NME7: variants seen among roughly 807,000 people sequenced by gnomAD.
NME7 encodes nucleoside diphosphate kinase 7.
Under a neutral mutation model 49.1 loss-of-function variants are expected in NME7, and 41 were observed. That is an observed-to-expected ratio of 0.83 (90% CI 0.65 to 1.08). NME7 has a LOEUF of 1.08. NME7 is among the 50% of genes least tolerant of loss of function. The pLI is 0.00. For missense variants in NME7, 423 were observed against 463.4 expected, an observed-to-expected ratio of 0.91 and a Z score of 0.80; for synonymous variants, 139 against 150.6, an observed-to-expected ratio of 0.92 and a Z score of 0.56.
At position 169,273,824 on chromosome 1, in the gene NME7, G is replaced by A. The variant is rs1333211981; in HGVS notation, c.754+13479C>T. On this transcript the variant is annotated intron_variant, in intron 7 of 11. Transcript: ENST00000367811. ...TTTTATGGCTGCATAGTATTCCATG[G>A]TGTATATGTGCCACATTTTCTTAAT... is the stretch of plus-strand genomic sequence containing the variant. 3.1e-4 allele frequency among the ~76,000 whole-genome samples: 39 copies of A among 124,372 alleles called. 1 individual carries two copies. The highest frequency in any genetic ancestry group is 1.0e-3 in the African/African-American group (39 of 37,342). The allele number at this position is 124,372 out of a possible 152,430, so 81.6% of individuals were successfully genotyped here.
At chr1:169,342,953 G>GTATA (rs66848452) in intron 1 of NME7, among the ~76,000 whole-genome samples, 4 of 40,302 alleles carry the variant, frequency 9.9e-5, no homozygotes, top group African/African-American at 2.3e-4. Context: ...ACTTGTATTA[G>GTATA]TATATATATA....
At chr1:169,251,571 T>TA (rs2101847009) in intron 7 of NME7, among the ~76,000 whole-genome samples, 1 of 134,122 alleles carries the variant, frequency 7.5e-6, no homozygotes, top group African/African-American at 2.6e-5. Flanking sequence ...CTTTTTTTTT[T>TA]TATTATACTT....
intron 11 of NME7, among the ~76,000 whole-genome samples, chr1:169,137,870 A>T (rs2101805510): frequency 6.6e-6 from 1 of 152,232 alleles, no homozygotes; most frequent in East Asian, 1.9e-4. Flanking sequence ...TAGCTATAGA[A>T]CCCCAAAAGC....
At chr1:169,340,590 AAAG>A (rs1328780335) in intron 1 of NME7, among the ~76,000 whole-genome samples, 2 of 152,202 alleles carry the variant, frequency 1.3e-5, no homozygotes, top group African/African-American at 2.4e-5. Context: ...GCTCAGAAGA[AAAG>A]AAGATGTGGG....
chr1:169,135,821 G>A (rs74365745), intron 11 of NME7, among the ~76,000 whole-genome samples: 3,054 of 152,004 alleles, frequency 0.02, 53 homozygotes, highest in Non-Finnish European at 0.034. Flanking sequence ...CCTTTCTGAG[G>A]GATTAAGTAT....
intron 1 of NME7, among the ~76,000 whole-genome samples, chr1:169,354,536 T>C (rs1223029334): frequency 6.6e-6 from 1 of 151,560 alleles, no homozygotes; most frequent in Non-Finnish European, 1.5e-5. Flanking sequence ...ACTTGATTGT[T>C]TGTTAACACA....
chr1:169,220,072 G>A (rs914861252), intron 10 of NME7, among the ~76,000 whole-genome samples: 11 of 151,988 alleles, frequency 7.2e-5, no homozygotes, highest in Non-Finnish European at 1.5e-4. Flanking sequence ...TTTCAGTTAC[G>A]CATGTTTTCC....
At chr1:169,228,167 C>T (rs1212405721) in intron 10 of NME7, among the ~76,000 whole-genome samples, 2 of 152,008 alleles carry the variant, frequency 1.3e-5, no homozygotes, top group African/African-American at 4.8e-5. Context: ...CCTTATCCTC[C>T]CAAAATGCTG....
At position 169,278,243 on chromosome 1, in the gene NME7, G is replaced by A. The variant is rs1373460401; in HGVS notation, c.754+9060C>T. Among the ~76,000 whole-genome samples, 5 of 148,580 alleles carry A rather than the reference G, an allele frequency of 3.4e-5. 1 individual carries two copies. Among genetic ancestry groups the A allele is most frequent in the South Asian group, 4.2e-4 (2 of 4,726 alleles). On this transcript the variant is annotated intron_variant, in intron 7 of 11. Coordinates refer to ENST00000367811, the MANE Select transcript of NME7 (RefSeq NM_013330.5). The stretch of plus-strand genomic sequence containing the variant: ...ATCTGAATGTTGGCCTGCCTTGCTC[G>A]TTTGGGGAAGTTCTCCTGGATAATA...
chr1:169,321,720 C>T (rs1043261163), intron 3 of NME7, among the ~76,000 whole-genome samples: 4 of 152,120 alleles, frequency 2.6e-5, no homozygotes, highest in Admixed American at 1.3e-4. Flanking sequence ...AGTGCTTATA[C>T]AGAAAGACTA....
chr1:169,208,104 C>T (rs564580792), intron 10 of NME7, among the ~76,000 whole-genome samples: 164 of 152,124 alleles, frequency 1.1e-3, no homozygotes, highest in African/African-American at 1.6e-3. Flanking sequence ...TCCTTTAGTA[C>T]ACAAATCTGC....
At position 169,268,645 on chromosome 1, in the gene NME7, G is replaced by A. The variant is rs112541577; in HGVS notation, c.754+18658C>T. 1.9e-3 allele frequency among the ~76,000 whole-genome samples: 256 copies of A among 133,510 alleles called. 63 individuals carry two copies. The highest frequency in any genetic ancestry group is 3.7e-3 in the Non-Finnish European group (209 of 56,784). 87.6% of individuals were successfully genotyped at this position (133,510 alleles called of 152,430 possible). ...GAGATCATGTCCTTTATAGGAACAC[G>A]AATGGAACTGGAGGCCATTATCCTT... On this transcript the variant is annotated intron_variant, in intron 7 of 11. Coordinates refer to ENST00000367811, the MANE Select transcript of NME7 (RefSeq NM_013330.5).
At chr1:169,168,215 C>T (rs12735503) in intron 11 of NME7, among the ~76,000 whole-genome samples, 1 of 151,940 alleles carries the variant, frequency 6.6e-6, no homozygotes, top group Admixed American at 6.6e-5. Flanking sequence ...CTGCTTGGCC[C>T]TCTTCCAAGT....
chr1:169,166,513 C>T (rs972977469), intron 11 of NME7, among the ~76,000 whole-genome samples: 2 of 152,076 alleles, frequency 1.3e-5, no homozygotes, highest in African/African-American at 2.4e-5. Context: ...AAAAAAGTGA[C>T]TCTACTGCTT....
In NME7 at chr1:169,303,199, T is replaced by G; in HGVS notation, c.390-4A>C. Reference sequence around the variant, plus strand: ...ATGAAAATCCAATGCTTCTTTCCTATAAAATAATCAAAAAGGCAATAGTTA... The same window carrying G: ...ATGAAAATCCAATGCTTCTTTCCTAGAAAATAATCAAAAAGGCAATAGTTA... On this transcript the variant is annotated splice_polypyrimidine_tract_variant and splice_region_variant and intron_variant, in intron 4 of 11. Transcript: ENST00000367811. 2 of 1,491,232 alleles carry G rather than the reference T, an allele frequency of 1.3e-6. No homozygotes were observed. The highest frequency in any genetic ancestry group is 1.9e-5 in the Admixed American group (1 of 52,346). 92.4% of individuals were successfully genotyped at this position (1,491,232 alleles called of 1,614,324 possible). A position where few individuals can be genotyped will look rare whatever the true frequency, so the allele number is the denominator to read the frequency against.
At chr1:169,280,512 T>G (rs1215413117) in intron 7 of NME7, among the ~76,000 whole-genome samples, 3 of 148,596 alleles carry the variant, frequency 2.0e-5, no homozygotes, top group Non-Finnish European at 4.4e-5. Flanking sequence ...TTTGGTGTTT[T>G]AGACATAAAG....
chr1:169,157,821 A>G (rs1285850075), intron 11 of NME7, among the ~76,000 whole-genome samples: 2 of 152,252 alleles, frequency 1.3e-5, no homozygotes, highest in Non-Finnish European at 2.9e-5. Flanking sequence ...CCTCAAAAGC[A>G]GAACCAAAGC....
chr1:169,238,941 C>T (rs2227246), intron 7 of NME7, among the ~76,000 whole-genome samples: 149,769 of 152,130 alleles, frequency 0.98, 73,735 homozygotes, highest in East Asian at 1. Context: ...TTATTTTAGC[C>T]ATGCACTTGT....
chr1:169,305,492 AT>A (rs1256186865), intron 4 of NME7, among the ~76,000 whole-genome samples: 1 of 152,226 alleles, frequency 6.6e-6, no homozygotes, highest in Non-Finnish European at 1.5e-5. Flanking sequence ...ATTGTGAGAA[AT>A]TCCTCCAGGT....
Sources: gnomAD v4.1 joint callset for allele counts (sites outside exome capture counted in the v4.1 genomes callset) on GRCh38, gnomAD v4.1.1 for gene constraint, MANE v1.5 for transcripts, NCBI Gene and HGNC (gene_info 2026-07-23, HGNC 2026-07-21) for gene names.